The following KRT80 variants were observed in gnomAD, a reference collection of about 807,000 sequenced individuals.
KRT80 encodes keratin 80, also known as keratin, type II cytoskeletal 80.
A neutral mutation model predicts 51.5 loss-of-function variants in KRT80; 36 were observed. The observed-to-expected ratio is 0.70, with a 90% CI of 0.54 to 0.92. KRT80 has a LOEUF of 0.92. KRT80 is among the 40% of genes least tolerant of loss of function. The pLI is 0.00. For missense variants in KRT80, 566 were observed against 591.7 expected (o/e 0.96, Z 0.45); for synonymous variants, 235 against 248.3 (o/e 0.95, Z 0.50).
intron 2 of KRT80, among the ~76,000 whole-genome samples, chr12:52,181,382 C>T (rs1405649686): frequency 2.0e-5 from 3 of 152,222 alleles, no homozygotes; most frequent in African/African-American, 7.2e-5. Flanking sequence ...ACCTCTCCCA[C>T]CTCCATGCCT....
At chr12:52,172,101 C>T in intron 7 of KRT80, 97 bp downstream of exon 7, 5 of 1,350,674 alleles carry the variant, frequency 3.7e-6, no homozygotes, top group Non-Finnish European at 5.2e-6. Context: ...CTGGTAGGCT[C>T]ACTGTATCAT....
At chr12:52,175,952 T>C (rs1222219066) in intron 4 of KRT80, among the ~76,000 whole-genome samples, 1 of 152,114 alleles carries the variant, frequency 6.6e-6, no homozygotes, top group African/African-American at 2.4e-5. Context: ...TGACACATTG[T>C]GGGCATCGGT....
chr12:52,189,130 C>T (rs546195826), intron 1 of KRT80, among the ~76,000 whole-genome samples: 33 of 152,306 alleles, frequency 2.2e-4, no homozygotes, highest in Middle Eastern at 3.4e-3. Context: ...CTCTCAGTTC[C>T]TCAGAGGGCC....
chr12:52,187,764 G>A lies in KRT80; in HGVS notation c.301-2177C>T, dbSNP rs145171727. ...TGCCCTGCCTTGTGAGTGTGAGAGG[G>A]AGCGTTGGGGGGGCAGGTATCTGCT... On this transcript the variant is annotated intron_variant, in intron 1 of 8. Transcript: ENST00000394815. 9.2e-3 allele frequency among the ~76,000 whole-genome samples: 1,401 copies of A among 152,242 alleles called. 18 individuals carry two copies. Among genetic ancestry groups the A allele is most frequent in the African/African-American group, 0.032 (1,328 of 41,530 alleles).
At chr12:52,174,918 A>T (rs1291775051) in intron 4 of KRT80, among the ~76,000 whole-genome samples, 1 of 152,126 alleles carries the variant, frequency 6.6e-6, no homozygotes, top group South Asian at 2.1e-4. Context: ...TGAAAAGGGT[A>T]GGGCCTCCTG....
chr12:52,183,311 G>A (rs1291969656), intron 2 of KRT80, among the ~76,000 whole-genome samples: 1 of 152,156 alleles, frequency 6.6e-6, no homozygotes, highest in Non-Finnish European at 1.5e-5. Flanking sequence ...CCATTCTCAG[G>A]CATTTTTTAG....
chr12:52,173,755 C>T lies in KRT80; in HGVS notation c.676G>A (p.Asp226Asn). 6.2e-7 allele frequency: 1 copy of T among 1,610,562 alleles called. No individual in the cohort carries two copies. The highest frequency in any genetic ancestry group is 1.1e-5 in the South Asian group (1 of 91,072). The change falls in exon 5 of 9, where the codon GAC (aspartate) becomes AAC (asparagine). Residue 226 changes from aspartate to asparagine, a missense_variant. Transcript: ENST00000394815. ...ACATCCTTCACCTGTGCTGCCAGGTCCTTCAGCTCCTGACCGGGCACAGAT... is the reference window on the plus strand; with the variant it reads ...ACATCCTTCACCTGTGCTGCCAGGTTCTTCAGCTCCTGACCGGGCACAGAT... ...MKTIYEQELK[D>N]LAAQVKDVSV...
chr12:52,170,097 G>GGA lies in KRT80; in HGVS notation c.*1299_*1300dup, dbSNP rs1286907013. ...CATTGAGAGCCAAGAGGAGGAGATA[G>GGA]GAGTATGCCTGCCAACACCCCTGTC... On this transcript the variant is annotated 3_prime_UTR_variant, in exon 9 of 9. Transcript: ENST00000394815. The GGA allele has an allele frequency of 6.6e-6, 1 of 152,446 alleles. No individual in the cohort carries two copies. Among genetic ancestry groups the GGA allele is most frequent in the Non-Finnish European group, 1.5e-5 (1 of 68,184 alleles). 9.4% of individuals were successfully genotyped at this position (152,446 alleles called of 1,614,324 possible).
At chr12:52,183,206 C>T (rs1413110298) in intron 2 of KRT80, among the ~76,000 whole-genome samples, 1 of 152,198 alleles carries the variant, frequency 6.6e-6, no homozygotes, top group African/African-American at 2.4e-5. Context: ...TTTCTGCTAC[C>T]TCAAAGCCTT....
rs761055153 is a variant in KRT80, at chr12:52,171,733, G to T, written c.1179-20C>A. ...TCCATCCTGGGGGTGGGGGACGGGG[G>T]GGTGGGAGAGGGATATGATGGGATG... On this transcript the variant is annotated intron_variant, in intron 7 of 8. Transcript: ENST00000394815. 2 of 1,415,106 alleles carry T rather than the reference G, an allele frequency of 1.4e-6. No individual in the cohort carries two copies. The highest frequency in any genetic ancestry group is 2.5e-5 in the South Asian group (2 of 81,186). The allele number at this position is 1,415,106 out of a possible 1,614,324, so 87.7% of individuals were successfully genotyped here. A position where few individuals can be genotyped will look rare whatever the true frequency, so the allele number is the denominator to read the frequency against.
intron 1 of KRT80, 56 bp from the exon 2 acceptor site, chr12:52,185,643 G>A (rs1176109740): frequency 1.9e-6 from 3 of 1,570,750 alleles, no homozygotes; most frequent in East Asian, 4.7e-5. Context: ...GGGGGCTGAG[G>A]CCCCGGGCTG....
rs377327186 is a variant in KRT80 at position 52,172,294 on chromosome 12, C to T, written c.1082G>A (p.Arg361Gln). 74 of 1,613,826 alleles carry T rather than the reference C, an allele frequency of 4.6e-5. No homozygotes were observed. Among genetic ancestry groups the T allele is most frequent in the Non-Finnish European group, 5.3e-5 (63 of 1,179,882 alleles). Residue 361 changes from arginine (R) to glutamine (Q), a missense_variant, in exon 7 of 9, where the codon CGG becomes CAG. Transcript: ENST00000394815. ...ALQQAKQDMA[R>Q]QLRKYQELMN... ...CAGCTCCTGGTACTTGCGCAGCTGC[C>T]GCGCCATGTCCTGCTTGGCCTGCTG...
At chr12:52,188,856 C>A (rs1941442556) in intron 1 of KRT80, among the ~76,000 whole-genome samples, 1 of 152,184 alleles carries the variant, frequency 6.6e-6, no homozygotes, top group East Asian at 1.9e-4. Flanking sequence ...TGGAGGTCGG[C>A]CTTGCGCCCT....
chr12:52,190,013 G>A (rs1055114825), intron 1 of KRT80, among the ~76,000 whole-genome samples: 5 of 152,228 alleles, frequency 3.3e-5, no homozygotes, highest in Admixed American at 2.0e-4. Flanking sequence ...GTCAGGAGGT[G>A]GCTCTTTAGG....
chr12:52,187,550 C>T (rs187127739), intron 1 of KRT80, among the ~76,000 whole-genome samples: 3 of 152,288 alleles, frequency 2.0e-5, no homozygotes, highest in African/African-American at 7.2e-5. Context: ...AGTGCTCTGA[C>T]GACCCTTCGA....
At chr12:52,182,007 G>GC (rs1200396843) in intron 2 of KRT80, among the ~76,000 whole-genome samples, 2 of 152,124 alleles carry the variant, frequency 1.3e-5, no homozygotes, top group African/African-American at 4.8e-5. Flanking sequence ...TATATCTGGC[G>GC]CCCCTCATGC....
Position 52,191,774 on chromosome 12 carries a change from G to A in KRT80, c.129C>T (p.Ser43=). 1 of 1,612,356 alleles carries A rather than the reference G, an allele frequency of 6.2e-7. No homozygotes were observed. The highest frequency in any genetic ancestry group is 8.5e-7 in the Non-Finnish European group (1 of 1,179,436). The change falls in exon 1 of 9, where the codon TCC becomes TCT. Residue 43 remains serine, a synonymous_variant. Transcript: ENST00000394815. ...CCGACCAGCAGCCTGTGAGGCTGCG[G>A]GAGCTGAAGCCCGGCCCGGGGGCCC... ...SCRAPGPGFS[S]RSLTGCWSAG...
intron 4 of KRT80, among the ~76,000 whole-genome samples, chr12:52,174,111 G>C (rs944108269): frequency 2.0e-5 from 3 of 152,260 alleles, no homozygotes; most frequent in African/African-American, 4.8e-5. Context: ...GAAAGGGCCA[G>C]AGAAGTCAGG....
chr12:52,180,657 C>T, intron 3 of KRT80, 49 bp from the exon 4 acceptor site: 3 of 1,554,604 alleles, frequency 1.9e-6, no homozygotes, highest in Non-Finnish European at 8.7e-7. Context: ...TGGAGGGTCC[C>T]AGGGCAGGAG....
Sources: gnomAD v4.1 joint callset for allele counts (sites outside exome capture counted in the v4.1 genomes callset) on GRCh38, gnomAD v4.1.1 for gene constraint, MANE v1.5 for transcripts, NCBI Gene and HGNC (gene_info 2026-07-23, HGNC 2026-07-21) for gene names.